The following STK10 variants were observed in gnomAD, a reference collection of about 807,000 sequenced individuals.
The protein encoded by STK10 is serine/threonine-protein kinase 10.
A neutral mutation model predicts 113.8 loss-of-function variants in STK10; 78 were observed. The ratio of observed to expected loss-of-function variants is 0.69; its 90% confidence interval spans 0.57 to 0.83. The LOEUF (loss-of-function observed/expected upper bound fraction) is 0.83. STK10 is among the 40% of genes least tolerant of loss of function. The pLI is 0.00. For synonymous variants in STK10, 465 were observed against 494.7 expected (o/e 0.94, Z 0.80); for missense variants, 1,109 against 1,280.1 (o/e 0.87, Z 2.04).
Position 172,082,267 on chromosome 5 carries a change from C to T in STK10, c.1989+59G>A, listed in dbSNP as rs545429725. 2.8e-5 allele frequency: 40 copies of T among 1,436,374 alleles called. No individual in the cohort carries two copies. In the South Asian group the frequency reaches 5.6e-4, roughly 20 times the overall value. The allele number at this position is 1,436,374 out of a possible 1,614,324, so 89.0% of individuals were successfully genotyped here. ...GTGAGGTTGAGGCCACGATCACTTG[C>T]AACCAAGAAGGCCCCTAATACTCCG... is the stretch of plus-strand genomic sequence containing the variant. On this transcript the variant is annotated intron_variant, in intron 12 of 18. Transcript: ENST00000176763. The surrounding 1 kb of genome is among the most constrained non-coding windows in gnomAD (Gnocchi z 4.3).
chr5:172,184,393 A>G (rs549309894), intron 1 of STK10, among the ~76,000 whole-genome samples: 140 of 152,160 alleles, frequency 9.2e-4, no homozygotes, highest in African/African-American at 3.3e-3. Flanking sequence ...ACTAAGGAAA[A>G]AGTGTTCAAC....
chr5:172,152,288 C>T (rs1051420229), intron 2 of STK10, among the ~76,000 whole-genome samples: 1 of 152,186 alleles, frequency 6.6e-6, no homozygotes, highest in African/African-American at 2.4e-5. Flanking sequence ...GACATATGTG[C>T]ATTCAGAAAT....
At chr5:172,062,496 C>A (rs1020792757) in intron 13 of STK10, among the ~76,000 whole-genome samples, 1 of 151,702 alleles carries the variant, frequency 6.6e-6, no homozygotes, top group African/African-American at 2.4e-5. Flanking sequence ...TGAAAACAGC[C>A]CACGTGTCCG....
chr5:172,078,034 G>C (rs11956121), intron 12 of STK10, among the ~76,000 whole-genome samples: 6,515 of 152,200 alleles, frequency 0.043, 503 homozygotes, highest in African/African-American at 0.15. Flanking sequence ...CACCCCTGCT[G>C]CTGCATCCTG....
intron 15 of STK10, among the ~76,000 whole-genome samples, chr5:172,056,836 T>A (rs890948252): frequency 1.4e-5 from 2 of 147,376 alleles, no homozygotes; most frequent in East Asian, 2.0e-4. Context: ...ATGGCGCCAC[T>A]GCACTCCAGC....
intron 2 of STK10, among the ~76,000 whole-genome samples, chr5:172,151,639 C>T (rs867814279): frequency 1.3e-4 from 20 of 152,198 alleles, no homozygotes; most frequent in African/African-American, 4.3e-4. Context: ...CCACTGCGCC[C>T]GGCCCACTTC....
At chr5:172,138,129 A>AT (rs1769904957) in intron 2 of STK10, among the ~76,000 whole-genome samples, 1 of 151,898 alleles carries the variant, frequency 6.6e-6, no homozygotes, top group Non-Finnish European at 1.5e-5. Context: ...TATTATTATT[A>AT]TTTTTTTATT....
intron 7 of STK10, among the ~76,000 whole-genome samples, chr5:172,102,024 A>G (rs1028117799): frequency 3.9e-5 from 6 of 152,104 alleles, no homozygotes; most frequent in Non-Finnish European, 5.9e-5. Context: ...GGTTTTCCCT[A>G]GAGTGAAACG....
chr5:172,094,314 C>T (rs1768798733), intron 8 of STK10, among the ~76,000 whole-genome samples: 1 of 152,076 alleles, frequency 6.6e-6, no homozygotes, highest in Admixed American at 6.6e-5. Context: ...AAAATGGCTC[C>T]CCTGTGGCCA....
At chr5:172,134,411 T>C (rs1467664399) in intron 2 of STK10, among the ~76,000 whole-genome samples, 1 of 152,124 alleles carries the variant, frequency 6.6e-6, no homozygotes, top group Non-Finnish European at 1.5e-5. Flanking sequence ...TCTGTTTCAA[T>C]GAGTTTTTTA....
At chr5:172,185,911 C>T (rs576400753) in intron 1 of STK10, among the ~76,000 whole-genome samples, 7 of 152,202 alleles carry the variant, frequency 4.6e-5, no homozygotes, top group African/African-American at 9.7e-5. Flanking sequence ...CACTGCCTCT[C>T]GGATCACAAG....
intron 2 of STK10, among the ~76,000 whole-genome samples, chr5:172,144,149 G>A (rs1224843811): frequency 1.3e-5 from 2 of 152,252 alleles, no homozygotes; most frequent in African/African-American, 4.8e-5. Flanking sequence ...AGGTTTGGTG[G>A]GGGAAGGGGC....
intron 1 of STK10, among the ~76,000 whole-genome samples, chr5:172,180,477 C>T (rs1770831351): frequency 1.3e-5 from 2 of 149,652 alleles, no homozygotes; most frequent in South Asian, 4.2e-4. Flanking sequence ...AAAAGAAAGT[C>T]TAGCCTAAAA....
chr5:172,154,810 C>G (rs1055654624), intron 2 of STK10, among the ~76,000 whole-genome samples: 10 of 152,170 alleles, frequency 6.6e-5, no homozygotes, highest in Non-Finnish European at 1.3e-4. Context: ...GCTCACATAG[C>G]TTTTTTGTTT....
At chr5:172,129,417 C>A (rs1011397704) in intron 2 of STK10, among the ~76,000 whole-genome samples, 2 of 152,156 alleles carry the variant, frequency 1.3e-5, no homozygotes, top group African/African-American at 4.8e-5. Context: ...TCATCAACAA[C>A]GGGCCTGACC....
intron 2 of STK10, among the ~76,000 whole-genome samples, chr5:172,142,116 G>T (rs1287825821): frequency 6.6e-6 from 1 of 152,124 alleles, no homozygotes; most frequent in African/African-American, 2.4e-5. Context: ...GCTAGGCGGG[G>T]ATAAATGAGA....
intron 18 of STK10, among the ~76,000 whole-genome samples, chr5:172,048,963 C>A (rs1189424920): frequency 2.0e-5 from 3 of 152,042 alleles, no homozygotes; most frequent in Admixed American, 6.6e-5. Flanking sequence ...CTGGGAATGT[C>A]CCCCTGAAAA....
At chr5:172,103,607 C>T (rs1332672217) in intron 7 of STK10, among the ~76,000 whole-genome samples, 1 of 152,122 alleles carries the variant, frequency 6.6e-6, no homozygotes, top group Non-Finnish European at 1.5e-5. Context: ...GGGGCCCCAG[C>T]CCACTCCCAA....
intron 10 of STK10, among the ~76,000 whole-genome samples, chr5:172,085,680 C>T (rs1047952513): frequency 1.4e-5 from 2 of 142,790 alleles, no homozygotes; most frequent in Non-Finnish European, 3.0e-5. Context: ...CAGAGTGAGA[C>T]TCCATTTCAA....
Sources: gnomAD v4.1 joint callset for allele counts (sites outside exome capture counted in the v4.1 genomes callset) on GRCh38, gnomAD v4.1.1 for gene constraint, Gnocchi (gnomAD v3.1) non-coding constraint, MANE v1.5 for transcripts, NCBI Gene and HGNC (gene_info 2026-07-23, HGNC 2026-07-21) for gene names.